FBXO38: variants seen among roughly 807,000 people sequenced by gnomAD.
FBXO38 encodes the protein F-box only protein 38.
A neutral mutation model predicts 131.9 loss-of-function variants in FBXO38; 53 were observed. The ratio of observed to expected loss-of-function variants is 0.40; its 90% CI spans 0.32 to 0.51. FBXO38 has a LOEUF of 0.51. Ranked by LOEUF, FBXO38 falls within the 20% of genes least tolerant of loss-of-function variation. The pLI, the probability that FBXO38 is intolerant of heterozygous loss-of-function variation, is 0.53. For missense variants in FBXO38, 1,076 were observed against 1,475.6 expected, an observed-to-expected ratio of 0.73 and a Z score of 4.44; for synonymous variants, 452 against 505.6, an observed-to-expected ratio of 0.89 and a Z score of 1.42.
chr5:148,412,675 T>A (rs1752829873), intron 9 of FBXO38, among the ~76,000 whole-genome samples: 1 of 152,114 alleles, frequency 6.6e-6, no homozygotes, highest in East Asian at 1.9e-4. Flanking sequence ...AATTGAGGCC[T>A]GTCTGCTACT....
At chr5:148,395,472 GTT>G (rs5742007) in intron 2 of FBXO38, among the ~76,000 whole-genome samples, 12,766 of 147,154 alleles carry the variant, frequency 0.087, 1,053 homozygotes, top group East Asian at 0.34. Flanking sequence ...TATAACAACT[GTT>G]TTTTTTTTTT....
intron 17 of FBXO38, among the ~76,000 whole-genome samples, chr5:148,436,349 A>G (rs1754347886): frequency 6.6e-6 from 1 of 152,244 alleles, no homozygotes; most frequent in East Asian, 1.9e-4. Context: ...GTGCACGTTG[A>G]GCATCTCTAA....
chr5:148,401,847 A>T, intron 3 of FBXO38, 135 bp from the exon 4 acceptor site: 1 of 678,054 alleles, frequency 1.5e-6, no homozygotes, highest in Non-Finnish European at 2.4e-6. Context: ...TGTTATGTTT[A>T]TTCAGCTTTA....
intron 12 of FBXO38, among the ~76,000 whole-genome samples, chr5:148,421,929 A>G (rs913821308): frequency 5.9e-5 from 9 of 152,046 alleles, no homozygotes; most frequent in Admixed American, 2.0e-4. Flanking sequence ...TTTACTTCCT[A>G]CCTGCTCTCC....
intron 15 of FBXO38, chr5:148,430,800 T>C (rs1175509511): frequency 9.2e-5 from 14 of 152,258 alleles, no homozygotes; most frequent in South Asian, 4.1e-4. Flanking sequence ...TAGAAGCTAA[T>C]ATAATTGTTT....
intron 14 of FBXO38, among the ~76,000 whole-genome samples, chr5:148,426,950 A>T (rs1345618221): frequency 6.6e-6 from 1 of 152,176 alleles, no homozygotes; most frequent in Non-Finnish European, 1.5e-5. Flanking sequence ...TAGAATGTAT[A>T]TGGAGGGTAC....
chr5:148,409,263 T>A (rs1230997163), intron 8 of FBXO38, 46 bp downstream of exon 8: 2 of 1,265,360 alleles, frequency 1.6e-6, no homozygotes, highest in Non-Finnish European at 2.3e-6. Context: ...GAAGTAATTA[T>A]GTTTTTCCCT....
intron 8 of FBXO38, 127 bp downstream of exon 8, chr5:148,409,344 A>G (rs1280948424): frequency 1.5e-6 from 1 of 665,116 alleles, no homozygotes; most frequent in Non-Finnish European, 2.7e-6. Context: ...TTCAAATTTA[A>G]AATACGAAGA....
At chr5:148,393,113 T>C (rs1280807876) in intron 1 of FBXO38, among the ~76,000 whole-genome samples, 1 of 151,522 alleles carries the variant, frequency 6.6e-6, no homozygotes, top group East Asian at 1.9e-4. Flanking sequence ...CAGGGTAGCA[T>C]AGCCCATATA....
At chr5:148,424,284 G>A (rs1377892383) in intron 13 of FBXO38, among the ~76,000 whole-genome samples, 167 bp downstream of exon 13, 2 of 152,190 alleles carry the variant, frequency 1.3e-5, no homozygotes, top group Admixed American at 6.5e-5. Context: ...CTTGTTGCAT[G>A]TATCTTACTA....
intron 12 of FBXO38, among the ~76,000 whole-genome samples, chr5:148,420,128 T>G (rs545562680): frequency 3.5e-5 from 5 of 142,274 alleles, no homozygotes; most frequent in East Asian, 2.0e-4. Context: ...TTTTGTGGGG[T>G]TTTTTTTTTT....
intron 15 of FBXO38, 115 bp from the exon 16 acceptor site, chr5:148,433,309 C>A (rs1044152713): frequency 2.8e-6 from 2 of 707,780 alleles, no homozygotes; most frequent in Admixed American, 5.3e-5. Flanking sequence ...CACTGGGAAC[C>A]AAATTGTAGA....
At chr5:148,429,458 A>G (rs1753907633) in intron 15 of FBXO38, among the ~76,000 whole-genome samples, 1 of 151,844 alleles carries the variant, frequency 6.6e-6, no homozygotes, top group Admixed American at 6.6e-5. Flanking sequence ...ACTTAGGTTG[A>G]TCTCTGGTCA....
At chr5:148,430,627 G>C (rs1435220379) in intron 15 of FBXO38, 2 of 151,880 alleles carry the variant, frequency 1.3e-5, no homozygotes, top group Admixed American at 6.6e-5. Flanking sequence ...CACCACACTC[G>C]GCCCAAATTA....
intron 7 of FBXO38, among the ~76,000 whole-genome samples, chr5:148,406,664 C>T (rs961304639): frequency 5.9e-5 from 9 of 152,032 alleles, no homozygotes; most frequent in Admixed American, 2.6e-4. Context: ...ATAATACCTC[C>T]TCTTATGTAT....
rs201086406 is a variant in FBXO38 at position 148,441,825 on chromosome 5, G to GT, written c.3389-143dup. 624 of 565,794 alleles carry GT rather than the reference G, an allele frequency of 1.1e-3. 5 individuals carry two copies. Among genetic ancestry groups the GT allele is most frequent in the African/African-American group, 9.8e-3 (513 of 52,308 alleles). 35.0% of individuals were successfully genotyped at this position (565,794 alleles called of 1,614,324 possible). ...AGGCATCAAACATAAGAACAAACTG[G>GT]TGGTGACCCATTCCTTGACCTATTC... is the stretch of plus-strand genomic sequence containing the variant. On this transcript the variant is annotated intron_variant, in intron 21 of 21. Coordinates refer to ENST00000340253, the MANE Select transcript of FBXO38 (RefSeq NM_205836.3).
At position 148,433,482 on chromosome 5, in the gene FBXO38, C is replaced by T; in HGVS notation, c.2712C>T (p.Ser904=). Residue 904 remains serine (S), a synonymous_variant, in exon 16 of 22, where the codon TCC becomes TCT. Transcript: ENST00000340253. ...AMKRKRTADK[S]TSTSDPVIED... is the part of the protein sequence containing the mutation. Reference sequence around the variant, plus strand: ...AACGGAAGCGGACAGCAGATAAATCCACTAGTACAAGTGATCCTGTGATCG... The same window carrying T: ...AACGGAAGCGGACAGCAGATAAATCTACTAGTACAAGTGATCCTGTGATCG... 6.2e-7 allele frequency: 1 copy of T among 1,613,884 alleles called. No homozygotes were observed. The highest frequency in any genetic ancestry group is 8.5e-7 in the Non-Finnish European group (1 of 1,179,910).
chr5:148,412,218 G>C (rs561587825), intron 9 of FBXO38, among the ~76,000 whole-genome samples: 2 of 152,208 alleles, frequency 1.3e-5, no homozygotes, highest in Middle Eastern at 3.4e-3. Flanking sequence ...ATTTGCCACA[G>C]TTTAACCATT....
intron 17 of FBXO38, 58 bp from the exon 18 acceptor site, chr5:148,438,256 ATTTTGTGCCAACAAAAAT>A: frequency 7.4e-7 from 1 of 1,360,042 alleles, no homozygotes; most frequent in East Asian, 2.3e-5. Context: ...TTACTGCAGT[ATTTTGTGCCAACAAAAAT>A]TAGGCCATCT....
Sources: gnomAD v4.1 joint callset for allele counts (sites outside exome capture counted in the v4.1 genomes callset) on GRCh38, gnomAD v4.1.1 for gene constraint, MANE v1.5 for transcripts, NCBI Gene and HGNC (gene_info 2026-07-23, HGNC 2026-07-21) for gene names.